The following DIAPH1 variants were observed in gnomAD, a reference collection of about 807,000 sequenced individuals.
DIAPH1 encodes diaphanous related formin 1, also known as protein diaphanous homolog 1.
In DIAPH1, 46 loss-of-function variants were observed where a neutral mutation model predicts 140.7. The ratio of observed to expected loss-of-function variants is 0.33; its 90% CI spans 0.26 to 0.42. The LOEUF (loss-of-function observed/expected upper bound fraction) is 0.42. Among genes scored for constraint, DIAPH1 ranks in the 10% least tolerant of loss-of-function variants. DIAPH1 has a pLI of 1.00. For missense variants in DIAPH1, 1,310 were observed against 1,558.7 expected (o/e 0.84, Z 2.69); for synonymous variants, 565 against 551.6 (o/e 1.02, Z -0.34).
chr5:141,558,874 T>C (rs1338919014), intron 18 of DIAPH1, among the ~76,000 whole-genome samples: 4 of 146,644 alleles, frequency 2.7e-5, no homozygotes, highest in African/African-American at 5.1e-5. Context: ...AGTGAGATAA[T>C]GGCAACACAT....
chr5:141,599,891 T>G (rs1419557812), intron 1 of DIAPH1, among the ~76,000 whole-genome samples: 2 of 152,158 alleles, frequency 1.3e-5, no homozygotes, highest in East Asian at 3.9e-4. Context: ...GTCTATGTTT[T>G]TTTGTTTGTT....
At chr5:141,610,963 C>T (rs1050989939) in intron 1 of DIAPH1, among the ~76,000 whole-genome samples, 51 of 151,512 alleles carry the variant, frequency 3.4e-4, no homozygotes, top group African/African-American at 1.2e-3. Context: ...GTGGTGCATG[C>T]CGGTAGTCCC....
At chr5:141,557,740 G>A (rs1251594307) in intron 18 of DIAPH1, 1 of 152,238 alleles carries the variant, frequency 6.6e-6, no homozygotes, top group Non-Finnish European at 1.5e-5. Context: ...GTGTCCGGCA[G>A]CCAAACCATT....
In DIAPH1 at chr5:141,565,807, A is replaced by C. The variant is rs368327619; in HGVS notation, c.2482+5621T>G. Among the ~76,000 whole-genome samples the C allele has an allele frequency of 2.3e-4, 35 of 152,292 alleles. No homozygotes were observed. The East Asian group carries it at 6.0e-3, about 26-fold the overall frequency. On this transcript the variant is annotated intron_variant, in intron 18 of 27. Coordinates refer to ENST00000389054, the MANE Select transcript of DIAPH1 (RefSeq NM_005219.5). The surrounding 1 kb of genome is among the most constrained non-coding windows in gnomAD (Gnocchi z 4.3). ...AAATTAAGCAGAGGAGAGTTGGGAG[A>C]AAGATCAGCCAGTGAGTTAGCAGGA... is the stretch of plus-strand genomic sequence containing the variant.
intron 19 of DIAPH1, 93 bp downstream of exon 19, chr5:141,534,242 G>A: frequency 1.0e-6 from 1 of 997,754 alleles, no homozygotes; most frequent in Non-Finnish European, 1.6e-6. Context: ...AACAATTAAA[G>A]TTCCATATCA....
In DIAPH1 at chr5:141,565,479, AATG is replaced by A. The variant is rs761007664; in HGVS notation, c.2482+5946_2482+5948del. Among the ~76,000 whole-genome samples, 5 of 152,218 alleles carry A rather than the reference AATG, an allele frequency of 3.3e-5. No homozygotes were observed. Among genetic ancestry groups the A allele is most frequent in the Admixed American group, 6.5e-5 (1 of 15,288 alleles). On this transcript the variant is annotated intron_variant, in intron 18 of 27. Transcript: ENST00000389054. The surrounding 1 kb of genome is among the most constrained non-coding windows in gnomAD (Gnocchi z 4.3). ...CCAGTGTATTCTACATATTTGTTAA[AATG>A]ATGATAACAAATTAGTCCAGGAACT...
intron 19 of DIAPH1, among the ~76,000 whole-genome samples, chr5:141,531,644 T>C (rs1406358956): frequency 6.6e-6 from 1 of 152,056 alleles, no homozygotes; most frequent in Non-Finnish European, 1.5e-5. Context: ...TGCTCCACCA[T>C]GCCCAGCTAA....
chr5:141,518,774 T>TG (rs2099886088), intron 27 of DIAPH1: 2 of 678,290 alleles, frequency 2.9e-6, no homozygotes, highest in Non-Finnish European at 5.2e-6. Flanking sequence ...CCTCCCACCT[T>TG]GGAACCTAAA....
chr5:141,615,468 G>A (rs1329584779), intron 1 of DIAPH1, among the ~76,000 whole-genome samples: 2 of 147,670 alleles, frequency 1.4e-5, no homozygotes, highest in Non-Finnish European at 3.0e-5. Context: ...AGGGCCGCAC[G>A]CGGTGGCTCA....
At chr5:141,518,964 C>T in intron 27 of DIAPH1, 1 of 1,550,720 alleles carries the variant, frequency 6.4e-7, no homozygotes, top group African/African-American at 1.4e-5. Context: ...GTCTCCTCCT[C>T]CTCCTCTACT....
At chr5:141,529,564 C>T in intron 20 of DIAPH1, 39 bp downstream of exon 20, 1 of 1,525,340 alleles carries the variant, frequency 6.6e-7, no homozygotes, top group Non-Finnish European at 9.1e-7. Flanking sequence ...CCCAGCGACA[C>T]AGAAGAGCCT....
intron 27 of DIAPH1, chr5:141,518,753 G>T: frequency 1.6e-6 from 1 of 633,450 alleles, no homozygotes; most frequent in Non-Finnish European, 2.8e-6. Context: ...GAACTCCTGG[G>T]CTCAAGCAAT....
intron 1 of DIAPH1, among the ~76,000 whole-genome samples, chr5:141,590,956 G>C (rs997111648): frequency 2.6e-5 from 4 of 152,020 alleles, no homozygotes; most frequent in African/African-American, 9.7e-5. Flanking sequence ...ATATCCAAGA[G>C]GAAATCTTTC....
intron 18 of DIAPH1, among the ~76,000 whole-genome samples, chr5:141,550,319 T>C (rs949175497): frequency 2.0e-5 from 3 of 152,132 alleles, no homozygotes; most frequent in African/African-American, 7.2e-5. Flanking sequence ...AAATAAAAAC[T>C]GAGGAACTAT....
In DIAPH1 at chr5:141,552,501, G is replaced by C. The variant is rs967908708; in HGVS notation, c.2483-18068C>G. 2.0e-5 allele frequency among the ~76,000 whole-genome samples: 3 copies of C among 152,172 alleles called. No individual in the cohort carries two copies. The South Asian group carries it at 6.2e-4, about 32-fold the overall frequency. On this transcript the variant is annotated intron_variant, in intron 18 of 27. Coordinates refer to ENST00000389054, the MANE Select transcript of DIAPH1 (RefSeq NM_005219.5). ...AGGGACCATAAGCCAAGGAATCTGG[G>C]CAGGCATTAGACATTGGAAAAGGAA... is the stretch of plus-strand genomic sequence containing the variant.
chr5:141,576,645 G>A (rs758827531), intron 13 of DIAPH1, 111 bp downstream of exon 13: 10 of 804,592 alleles, frequency 1.2e-5, no homozygotes, highest in African/African-American at 8.5e-5. Flanking sequence ...GACAAAAATA[G>A]AACTATCTGG....
rs202086273 is a variant in DIAPH1, at chr5:141,516,835, G to A, written c.*16C>T. ...TGCGGCTCCGCTGAGGAGCTGCCGC[G>A]GTCACAGGACCCACATTAGCTTGCA... On this transcript the variant is annotated 3_prime_UTR_variant, in exon 28 of 28. Coordinates refer to ENST00000389054, the MANE Select transcript of DIAPH1 (RefSeq NM_005219.5). 1,871 of 1,613,728 alleles carry A rather than the reference G, an allele frequency of 1.2e-3. 4 individuals are homozygous for A. The highest frequency in any genetic ancestry group is 3.1e-3 in the Middle Eastern group (18 of 5,722).
At chr5:141,594,059 G>C (rs2099898902) in intron 1 of DIAPH1, among the ~76,000 whole-genome samples, 1 of 152,198 alleles carries the variant, frequency 6.6e-6, no homozygotes. Flanking sequence ...GCCTCCCAAA[G>C]TGCTGGGATT....
chr5:141,568,695 TTTC>T (rs1314903421), intron 18 of DIAPH1, among the ~76,000 whole-genome samples: 1 of 152,158 alleles, frequency 6.6e-6, no homozygotes, highest in African/African-American at 2.4e-5. Context: ...AGGCAGGTGC[TTTC>T]TTCAATGCCC....
Sources: allele counts gnomAD v4.1 joint callset (sites outside exome capture counted in the v4.1 genomes callset), GRCh38; gene constraint gnomAD v4.1.1; non-coding constraint Gnocchi (gnomAD v3.1); transcripts MANE v1.5; gene names NCBI Gene and HGNC (gene_info 2026-07-23, HGNC 2026-07-21).